Variants in ARHGAP29 observed in about 807,000 individuals in gnomAD.
ARHGAP29 encodes Rho GTPase activating protein 29.
A neutral mutation model predicts 122.6 loss-of-function variants in ARHGAP29; 43 were observed. That is an observed-to-expected ratio of 0.35 (90% CI 0.27 to 0.45). The LOEUF (loss-of-function observed/expected upper bound fraction) is 0.45. ARHGAP29 is among the 20% of genes least tolerant of loss of function. ARHGAP29 has a pLI of 1.00. For synonymous variants in ARHGAP29, 506 were observed against 497.1 expected (o/e 1.02, Z -0.24); for missense variants, 1,303 against 1,477.2 (o/e 0.88, Z 1.93).
chr1:94,179,259 A>G (rs909405001), intron 20 of ARHGAP29, among the ~76,000 whole-genome samples: 3 of 152,204 alleles, frequency 2.0e-5, no homozygotes, highest in African/African-American at 7.2e-5. Context: ...TGTTCATTTT[A>G]AAAGTAACAC....
At chr1:94,221,370 A>G (rs1652282070) in intron 2 of ARHGAP29, among the ~76,000 whole-genome samples, 1 of 152,194 alleles carries the variant, frequency 6.6e-6, no homozygotes, top group East Asian at 1.9e-4. Context: ...GTTTAATAAG[A>G]GTTAATATCT....
intron 1 of ARHGAP29, among the ~76,000 whole-genome samples, chr1:94,256,422 C>T (rs1654348061): frequency 6.6e-6 from 1 of 151,478 alleles, no homozygotes; most frequent in South Asian, 2.1e-4. Flanking sequence ...TACCTCCCTT[C>T]TACTGAACTT....
chr1:94,267,921 T>C (rs1654835696), intron 1 of ARHGAP29, among the ~76,000 whole-genome samples: 1 of 152,218 alleles, frequency 6.6e-6, no homozygotes. Flanking sequence ...TAAGAGACCT[T>C]GGATGCTCAA....
intron 1 of ARHGAP29, among the ~76,000 whole-genome samples, chr1:94,271,609 A>G (rs1243449285): frequency 6.6e-6 from 1 of 152,230 alleles, no homozygotes; most frequent in Non-Finnish European, 1.5e-5. Flanking sequence ...CCTACTGAAC[A>G]TGCAGCTCAA....
chr1:94,308,694 C>G, the ARHGAP29 span, among the ~76,000 whole-genome samples: 341 of 152,244 alleles, frequency 2.2e-3, 3 homozygotes, highest in Non-Finnish European at 2.0e-3. Flanking sequence ...CCATTTTGAG[C>G]CAGTTTCAAA....
intron 2 of ARHGAP29, among the ~76,000 whole-genome samples, chr1:94,230,094 A>T (rs1327004749): frequency 6.6e-6 from 1 of 151,762 alleles, no homozygotes; most frequent in Non-Finnish European, 1.5e-5. Flanking sequence ...CTTAAAAATC[A>T]ATCCAGTTAA....
At chr1:94,236,738 G>A (rs1041368070) in intron 1 of ARHGAP29, among the ~76,000 whole-genome samples, 1 of 151,866 alleles carries the variant, frequency 6.6e-6, no homozygotes, top group Non-Finnish European at 1.5e-5. Context: ...AATTGAACTG[G>A]GACAAACCTC....
chr1:94,277,941 A>G (rs1655243305), upstream of ARHGAP29, among the ~76,000 whole-genome samples: 3 of 152,236 alleles, frequency 2.0e-5, no homozygotes, highest in African/African-American at 7.2e-5. Flanking sequence ...CAAAGGGGCT[A>G]AGTAGTTTTT....
chr1:94,246,340 T>G (rs768276461), intron 1 of ARHGAP29, among the ~76,000 whole-genome samples: 7 of 152,198 alleles, frequency 4.6e-5, no homozygotes, highest in Non-Finnish European at 1.0e-4. Context: ...GAATATTCAC[T>G]TTCATATCTA....
chr1:94,276,040 T>TGAGTA (rs1194231996), upstream of ARHGAP29, among the ~76,000 whole-genome samples: 1 of 152,024 alleles, frequency 6.6e-6, no homozygotes, highest in Non-Finnish European at 1.5e-5. Context: ...GGCAGATTAC[T>TGAGTA]TGAGGCCAGG....
chr1:94,242,616 CAAA>C (rs11320139), upstream of ARHGAP29, among the ~76,000 whole-genome samples: 8 of 130,150 alleles, frequency 6.1e-5, 1 homozygote, highest in African/African-American at 1.1e-4. Flanking sequence ...TTCAAAAAAT[CAAA>C]AAAAAAAAAA....
intron 1 of ARHGAP29, chr1:94,247,772 G>T: frequency 2.0e-6 from 1 of 498,170 alleles, no homozygotes; most frequent in Non-Finnish European, 2.6e-6. Context: ...CCGGCCGCCT[G>T]CCCCGCCCCT....
the ARHGAP29 span, among the ~76,000 whole-genome samples, chr1:94,303,805 C>A: frequency 1.2e-4 from 18 of 152,274 alleles, no homozygotes; most frequent in South Asian, 3.1e-3. Context: ...AGTGGTGAGA[C>A]CAGACTCAAA....
At chr1:94,179,271 G>A (rs1466510657) in intron 20 of ARHGAP29, among the ~76,000 whole-genome samples, 1 of 152,110 alleles carries the variant, frequency 6.6e-6, no homozygotes, top group Non-Finnish European at 1.5e-5. Context: ...AAGTAACACT[G>A]CAACAATATG....
intron 2 of ARHGAP29, among the ~76,000 whole-genome samples, chr1:94,227,786 C>A (rs1652691134): frequency 6.6e-6 from 1 of 151,722 alleles, no homozygotes; most frequent in Non-Finnish European, 1.5e-5. Context: ...GGGAGGAAAC[C>A]ATAAACCTGA....
intron 16 of ARHGAP29, among the ~76,000 whole-genome samples, chr1:94,185,702 C>T (rs570196153): frequency 4.1e-4 from 62 of 152,050 alleles, no homozygotes; most frequent in Admixed American, 2.5e-3. Context: ...GAGTAAAAAT[C>T]GTCACCAAGT....
At chr1:94,205,005 G>C in intron 7 of ARHGAP29, 56 bp downstream of exon 7, 9 of 1,437,188 alleles carry the variant, frequency 6.3e-6, no homozygotes, top group Non-Finnish European at 8.3e-6. Context: ...TAAAAAATGA[G>C]TTAGAAACAA....
chr1:94,198,925 G>A (rs1466418137), intron 12 of ARHGAP29, among the ~76,000 whole-genome samples: 1 of 152,188 alleles, frequency 6.6e-6, no homozygotes, highest in Admixed American at 6.5e-5. Context: ...CCCACACTGT[G>A]TACCTGATTT....
intron 1 of ARHGAP29, among the ~76,000 whole-genome samples, chr1:94,243,112 C>T (rs558867985): frequency 2.6e-5 from 4 of 152,092 alleles, no homozygotes; most frequent in Non-Finnish European, 5.9e-5. Context: ...GATTTCAGCA[C>T]TCTTCTCTCA....
Sources: allele counts gnomAD v4.1 joint callset (sites outside exome capture counted in the v4.1 genomes callset), GRCh38; gene constraint gnomAD v4.1.1; transcripts MANE v1.5; gene names NCBI Gene and HGNC (gene_info 2026-07-23, HGNC 2026-07-21).